The following TULP4 variants were observed in gnomAD, a reference collection of about 807,000 sequenced individuals.
The protein encoded by TULP4 is TUB like protein 4.
In TULP4, 16 loss-of-function variants were observed where a neutral mutation model predicts 129.0. The ratio of observed to expected loss-of-function variants is 0.12; its 90% CI spans 0.08 to 0.19. TULP4 has a LOEUF of 0.19. Among genes scored for constraint, TULP4 ranks in the 10% least tolerant of loss-of-function variants. TULP4 has a pLI of 1.00. For synonymous variants in TULP4, 998 were observed against 854.0 expected (o/e 1.17, Z -2.94); for missense variants, 1,842 against 2,059.1 (o/e 0.89, Z 2.04).
chr6:158,278,932 T>G (rs557403896), upstream of TULP4, among the ~76,000 whole-genome samples: 71 of 90,924 alleles, frequency 7.8e-4, no homozygotes, highest in Middle Eastern at 8.1e-3. Context: ...ATAGTTGTTG[T>G]TTTTTTTTGT....
chr6:158,446,893 G>A (rs368293970), intron 3 of TULP4, among the ~76,000 whole-genome samples: 2 of 152,072 alleles, frequency 1.3e-5, no homozygotes, highest in Non-Finnish European at 2.9e-5. Context: ...TATCGTGGGC[G>A]CCCCACCCTC....
chr6:158,392,814 T>TTTTTTTTTTTTTTTTTTC, intron 1 of TULP4, among the ~76,000 whole-genome samples: 1 of 124,476 alleles, frequency 8.0e-6, no homozygotes, highest in Non-Finnish European at 1.7e-5. Context: ...TTTTTTTTTT[T>TTTTTTTTTTTTTTTTTTC]TTTTTGAGAT....
At chr6:158,456,944 A>C in intron 5 of TULP4, among the ~76,000 whole-genome samples, 1 of 152,214 alleles carries the variant, frequency 6.6e-6, no homozygotes, top group Admixed American at 6.5e-5. Flanking sequence ...TCTTGGGATC[A>C]GAATGTTTTA....
chr6:158,493,744 G>A lies in TULP4; in HGVS notation c.1776+27G>A. 6.6e-7 allele frequency: 1 copy of A among 1,518,112 alleles called. No homozygotes were observed. Among genetic ancestry groups the A allele is most frequent in the Non-Finnish European group, 8.8e-7 (1 of 1,131,528 alleles). 94.0% of individuals were successfully genotyped at this position (1,518,112 alleles called of 1,614,324 possible). A position where few individuals can be genotyped will look rare whatever the true frequency, so the allele number is the denominator to read the frequency against. On this transcript the variant is annotated intron_variant, in intron 10 of 13. Transcript: ENST00000367097. The surrounding 1 kb of genome is among the most constrained non-coding windows in gnomAD (Gnocchi z 4.4). ...TAGGAGCCCCCAGTTACCCTGCCTT[G>A]CTCCCCTCCTCCTGGGGGCTATGCC...
rs138358866 is a variant in TULP4 at position 158,386,113 on chromosome 6, A to G, written c.253-26952A>G. On this transcript the variant is annotated intron_variant, in intron 1 of 13. Transcript: ENST00000367097. ...TCATACCTCAGCCTCCCAAAGTGCT[A>G]TGATTACAAGTGTGAGCCACTATGC... 6.8e-3 allele frequency among the ~76,000 whole-genome samples: 1,030 copies of G among 152,062 alleles called. 10 individuals carry two copies. Among genetic ancestry groups the G allele is most frequent in the African/African-American group, 0.022 (919 of 41,500 alleles).
At chr6:158,299,034 C>G (rs561262952) in intron 1 of TULP4, among the ~76,000 whole-genome samples, 1 of 152,134 alleles carries the variant, frequency 6.6e-6, no homozygotes, top group African/African-American at 2.4e-5. Context: ...CAGACAGAAA[C>G]GTTTCCCCTT....
intron 2 of TULP4, among the ~76,000 whole-genome samples, chr6:158,422,945 C>A (rs1193246493): frequency 6.6e-6 from 1 of 152,222 alleles, no homozygotes; most frequent in Non-Finnish European, 1.5e-5. Flanking sequence ...TTGGATGGAC[C>A]CAGTTTCTAA....
At chr6:158,237,235 T>C (rs1777728255) in intron 1 of TULP4, 1 of 804,722 alleles carries the variant, frequency 1.2e-6, no homozygotes. Flanking sequence ...AATATGGAGA[T>C]GAAGAGGGAG....
chr6:158,419,139 A>G (rs1778279899), intron 2 of TULP4, among the ~76,000 whole-genome samples: 2 of 152,224 alleles, frequency 1.3e-5, no homozygotes, highest in African/African-American at 4.8e-5. Flanking sequence ...TGAGGAAACA[A>G]CTTTTTTCAG....
At chr6:158,379,660 A>G (rs1467704891) in intron 1 of TULP4, among the ~76,000 whole-genome samples, 1 of 152,064 alleles carries the variant, frequency 6.6e-6, no homozygotes, top group Non-Finnish European at 1.5e-5. Context: ...TTGGGTTCAG[A>G]CCTACAGGGA....
intron 1 of TULP4, among the ~76,000 whole-genome samples, chr6:158,383,015 C>T (rs941175407): frequency 1.3e-5 from 2 of 152,226 alleles, no homozygotes; most frequent in East Asian, 3.8e-4. Context: ...GTTCAAGGAT[C>T]AAGGTCGCAG....
In TULP4 at chr6:158,485,226, G is replaced by T. The variant is rs554908008; in HGVS notation, c.1486+3937G>T. ...AGCAAAGTGTTGAAGGAGCAGTTTG[G>T]TTCCTCCTGATGGCTTATAGTAAAA... is the stretch of plus-strand genomic sequence containing the variant. On this transcript the variant is annotated intron_variant, in intron 8 of 13. Coordinates refer to ENST00000367097, the MANE Select transcript of TULP4 (RefSeq NM_020245.5). Among the ~76,000 whole-genome samples the T allele has an allele frequency of 2.0e-5, 3 of 152,322 alleles. No homozygotes were observed. In the South Asian group the frequency reaches 6.2e-4, roughly 32 times the overall value.
intron 1 of TULP4, among the ~76,000 whole-genome samples, chr6:158,250,836 C>A (rs1422923047): frequency 1.3e-5 from 2 of 152,156 alleles, no homozygotes; most frequent in Non-Finnish European, 2.9e-5. Flanking sequence ...TACAAGACAG[C>A]CAAAACTTGA....
chr6:158,503,779 C>A lies in TULP4; in HGVS notation c.4116C>A (p.Ile1372=). The A allele has an allele frequency of 6.2e-7, 1 of 1,614,134 alleles. No homozygotes were observed. Among genetic ancestry groups the A allele is most frequent in the East Asian group, 2.2e-5 (1 of 44,888 alleles). Residue 1372 remains isoleucine, a synonymous_variant, in exon 13 of 14, where the codon ATC becomes ATA. Transcript: ENST00000367097. This position sits in a 1 kb window ranked among gnomAD's most constrained non-coding sequence, Gnocchi z 4.3. ...ARTLSDFNSL[I]SSPHLGREKK... ...CTTTGAGTGACTTTAATTCCCTAATCTCCAGCCCACACCTGGGGAGAGAGA... is the reference window on the plus strand; with the variant it reads ...CTTTGAGTGACTTTAATTCCCTAATATCCAGCCCACACCTGGGGAGAGAGA...
chr6:158,352,347 T>C (rs985432754), intron 1 of TULP4, among the ~76,000 whole-genome samples: 3 of 152,250 alleles, frequency 2.0e-5, no homozygotes, highest in African/African-American at 7.2e-5. Context: ...ACTTTTTCAT[T>C]TATTCATTAG....
Position 158,376,171 on chromosome 6 carries a change from C to T in TULP4, c.253-36894C>T, listed in dbSNP as rs532756588. Among the ~76,000 whole-genome samples, 10 of 152,316 alleles carry T rather than the reference C, an allele frequency of 6.6e-5. No individual in the cohort carries two copies. In the South Asian group the frequency reaches 1.7e-3, roughly 25 times the overall value. On this transcript the variant is annotated intron_variant, in intron 1 of 13. Transcript: ENST00000367097. ...TGTTGCAGTTGTCTATTGGATAGCA[C>T]GTCACTCCAGACTCAGTTACTTAAA... is the stretch of plus-strand genomic sequence containing the variant.
intron 3 of TULP4, among the ~76,000 whole-genome samples, chr6:158,442,887 C>A (rs1007719619): frequency 6.6e-6 from 1 of 151,664 alleles, no homozygotes; most frequent in African/African-American, 2.4e-5. Flanking sequence ...TATCTCTGCT[C>A]ACTGCAACCT....
chr6:158,376,537 A>C (rs1278888215), intron 1 of TULP4, among the ~76,000 whole-genome samples: 1 of 152,234 alleles, frequency 6.6e-6, no homozygotes, highest in Non-Finnish European at 1.5e-5. Flanking sequence ...TGTAGTCAGA[A>C]GCCCACCAGA....
intron 1 of TULP4, among the ~76,000 whole-genome samples, chr6:158,371,877 C>T (rs976990331): frequency 2.6e-5 from 4 of 152,154 alleles, no homozygotes; most frequent in African/African-American, 4.8e-5. Context: ...TGCAGTGGCA[C>T]GATTTCAGCT....
Sources: gnomAD v4.1 joint callset for allele counts (sites outside exome capture counted in the v4.1 genomes callset) on GRCh38, gnomAD v4.1.1 for gene constraint, Gnocchi (gnomAD v3.1) non-coding constraint, MANE v1.5 for transcripts, NCBI Gene and HGNC (gene_info 2026-07-23, HGNC 2026-07-21) for gene names.